RXRA: variants seen among roughly 807,000 people sequenced by gnomAD.
The protein encoded by RXRA is retinoid X receptor alpha.
A neutral mutation model predicts 44.5 loss-of-function variants in RXRA; 5 were observed. The ratio of observed to expected loss-of-function variants is 0.11; its 90% confidence interval spans 0.06 to 0.24. The LOEUF (loss-of-function observed/expected upper bound fraction) is 0.24, where lower values mean the gene tolerates loss of function less well. Among genes scored for constraint, RXRA ranks in the 10% least tolerant of loss-of-function variants. The pLI, the probability that RXRA is intolerant of heterozygous loss-of-function variation, is 1.00. For missense variants in RXRA, 412 were observed against 646.5 expected (o/e 0.64, Z 3.93); for synonymous variants, 291 against 271.4 (o/e 1.07, Z -0.71).
At chr9:134,421,445 G>T (rs1434350702) in intron 5 of RXRA, among the ~76,000 whole-genome samples, 1 of 152,166 alleles carries the variant, frequency 6.6e-6, no homozygotes, top group Non-Finnish European at 1.5e-5. Context: ...CCCCCCAGTG[G>T]TGCAGGCTTA....
rs139604526 is a variant in RXRA, at chr9:134,338,141, A to G, written c.28+11482A>G. On this transcript the variant is annotated intron_variant, in intron 1 of 9. Coordinates refer to ENST00000481739, the MANE Select transcript of RXRA (RefSeq NM_002957.6). The stretch of plus-strand genomic sequence containing the variant: ...CTGGGCAGTGACCACAGGGAGGGAC[A>G]GAGGTGTCAGGAGCCCTGACAGAAG... Among the ~76,000 whole-genome samples, 46 of 152,256 alleles carry G rather than the reference A, an allele frequency of 3.0e-4. No individual in the cohort carries two copies. The East Asian group carries it at 8.3e-3, about 28-fold the overall frequency.
At chr9:134,383,173 G>A (rs1006341317) in intron 1 of RXRA, among the ~76,000 whole-genome samples, 5 of 152,310 alleles carry the variant, frequency 3.3e-5, no homozygotes, top group Admixed American at 6.5e-5. Context: ...ATGAGGGGCC[G>A]AGAGCCCAGG....
chr9:134,431,719 C>T (rs1588310055), intron 7 of RXRA, among the ~76,000 whole-genome samples, 186 bp from the exon 8 acceptor site: 2 of 146,658 alleles, frequency 1.4e-5, no homozygotes, highest in South Asian at 2.1e-4. Flanking sequence ...CTGGCAGGGG[C>T]GGCACCTGGG....
At chr9:134,372,147 G>C (rs1830498387) in intron 1 of RXRA, 2 of 152,396 alleles carry the variant, frequency 1.3e-5, no homozygotes, top group East Asian at 3.9e-4. Flanking sequence ...GAGGTGTGGA[G>C]AGGGGTGAGG....
At chr9:134,395,636 C>T (rs986271719) in intron 1 of RXRA, among the ~76,000 whole-genome samples, 5 of 152,228 alleles carry the variant, frequency 3.3e-5, no homozygotes, top group Admixed American at 1.3e-4. Flanking sequence ...TGTCCATGTT[C>T]CCGCAGGTGG....
chr9:134,382,333 A>G (rs1830659574), intron 1 of RXRA, among the ~76,000 whole-genome samples: 1 of 151,784 alleles, frequency 6.6e-6, no homozygotes, highest in Admixed American at 6.6e-5. Flanking sequence ...CTGGGACCCA[A>G]GCTCAGGCCT....
intron 1 of RXRA, among the ~76,000 whole-genome samples, chr9:134,340,808 C>T (rs988671692): frequency 2.0e-5 from 3 of 152,188 alleles, no homozygotes; most frequent in Non-Finnish European, 4.4e-5. Flanking sequence ...CTGTCTTCTG[C>T]GGAATTCTGC....
intron 1 of RXRA, among the ~76,000 whole-genome samples, chr9:134,353,167 G>A (rs1019052555): frequency 6.6e-6 from 1 of 152,100 alleles, no homozygotes; most frequent in Non-Finnish European, 1.5e-5. Context: ...TCTGGGGCTT[G>A]AGGAAGAATC....
chr9:134,379,164 C>A (rs1449293564), intron 1 of RXRA: 9 of 673,180 alleles, frequency 1.3e-5, no homozygotes, highest in Non-Finnish European at 1.7e-5. Flanking sequence ...CTCTGCACAG[C>A]AGGACCCGGA....
chr9:134,388,578 G>A (rs1830755458), intron 1 of RXRA, among the ~76,000 whole-genome samples: 1 of 152,184 alleles, frequency 6.6e-6, no homozygotes, highest in African/African-American at 2.4e-5. Flanking sequence ...GTCATCTGAG[G>A]CATCAGGTTA....
chr9:134,439,911 C>T lies in RXRA; in HGVS notation c.*3297C>T, dbSNP rs1831702805. The T allele has an allele frequency of 1.3e-5, 2 of 152,292 alleles. No homozygotes were observed. Among genetic ancestry groups the T allele is most frequent in the South Asian group, 4.1e-4 (2 of 4,834 alleles). The allele number at this position is 152,292 out of a possible 1,614,324, so 9.4% of individuals were successfully genotyped here. On this transcript the variant is annotated 3_prime_UTR_variant, in exon 10 of 10. Coordinates refer to ENST00000481739, the MANE Select transcript of RXRA (RefSeq NM_002957.6). ...ACCCTCCTTTGGTGAAATCCGGGTT[C>T]GAATGAATATCTCAAGGCAGGAGAT...
intron 7 of RXRA, among the ~76,000 whole-genome samples, chr9:134,430,392 C>T (rs1281761927): frequency 1.3e-5 from 2 of 152,188 alleles, no homozygotes; most frequent in African/African-American, 2.4e-5. Flanking sequence ...AGAGCCCCAA[C>T]GTTAGAGGTG....
At chr9:134,359,534 T>A (rs146237683) in intron 1 of RXRA, among the ~76,000 whole-genome samples, 73 of 152,242 alleles carry the variant, frequency 4.8e-4, no homozygotes, top group Non-Finnish European at 8.2e-4. Context: ...GCACTGTGGC[T>A]TTGCCTGCTT....
At chr9:134,421,573 G>C (rs558680163) in intron 5 of RXRA, 103 bp from the exon 6 acceptor site, 1 of 1,337,324 alleles carries the variant, frequency 7.5e-7, no homozygotes, top group African/African-American at 1.5e-5. Flanking sequence ...CGTATTCAGC[G>C]TCCTGCATGG....
At chr9:134,347,087 G>C (rs1830161894) in intron 1 of RXRA, among the ~76,000 whole-genome samples, 1 of 151,816 alleles carries the variant, frequency 6.6e-6, no homozygotes, top group South Asian at 2.1e-4. Flanking sequence ...TGGGAGTGGG[G>C]TGGTGGCCTC....
intron 1 of RXRA, among the ~76,000 whole-genome samples, chr9:134,399,829 T>G (rs1053559520): frequency 2.6e-5 from 4 of 152,226 alleles, no homozygotes; most frequent in Non-Finnish European, 5.9e-5. Context: ...CCTGCAGTGC[T>G]GGCTGAATCT....
intron 1 of RXRA, among the ~76,000 whole-genome samples, chr9:134,351,753 G>T (rs1830224310): frequency 1.3e-5 from 2 of 152,264 alleles, no homozygotes; most frequent in Non-Finnish European, 2.9e-5. Flanking sequence ...ATCCGCTGCT[G>T]CGAACTTGTT....
intron 1 of RXRA, among the ~76,000 whole-genome samples, chr9:134,337,759 G>C (rs782761185): frequency 6.6e-6 from 1 of 152,126 alleles, no homozygotes; most frequent in East Asian, 1.9e-4. Flanking sequence ...GGCAGAGCTC[G>C]CTGACTCTGC....
chr9:134,428,153 CCTAA>C (rs746960806), intron 6 of RXRA, among the ~76,000 whole-genome samples: 7 of 152,178 alleles, frequency 4.6e-5, no homozygotes, highest in Non-Finnish European at 7.4e-5. Context: ...GCTGCTGTTA[CCTAA>C]CTGTCTGCCC....
Sources: allele counts gnomAD v4.1 joint callset (sites outside exome capture counted in the v4.1 genomes callset), GRCh38; gene constraint gnomAD v4.1.1; transcripts MANE v1.5; gene names NCBI Gene and HGNC (gene_info 2026-07-23, HGNC 2026-07-21).